Variants in RGL1 observed in about 807,000 individuals in gnomAD.
RGL1 encodes ral guanine nucleotide dissociation stimulator-like 1.
Under a neutral mutation model 95.2 loss-of-function variants are expected in RGL1, and 24 were observed. The observed-to-expected ratio is 0.25, with a 90% CI of 0.18 to 0.35. The LOEUF (loss-of-function observed/expected upper bound fraction) is 0.35, where lower values mean the gene tolerates loss of function less well. RGL1 is among the 10% of genes least tolerant of loss of function. The pLI is 1.00. For synonymous variants in RGL1, 329 were observed against 344.9 expected (o/e 0.95, Z 0.51); for missense variants, 715 against 936.3 (o/e 0.76, Z 3.08).
intron 1 of RGL1, among the ~76,000 whole-genome samples, chr1:183,643,582 C>T (rs1174689): frequency 0.29 from 43,995 of 151,804 alleles, 6,912 homozygotes; most frequent in Middle Eastern, 0.38. Context: ...TGAGCCACCG[C>T]GCCCGGCCCG....
chr1:183,654,985 G>C (rs1167892501), intron 1 of RGL1, among the ~76,000 whole-genome samples: 8 of 152,172 alleles, frequency 5.3e-5, no homozygotes. Flanking sequence ...CAGTGAAATT[G>C]ACATGTATTG....
chr1:183,794,817 T>G (rs554072854), intron 2 of RGL1, among the ~76,000 whole-genome samples: 1 of 152,288 alleles, frequency 6.6e-6, no homozygotes, highest in South Asian at 2.1e-4. Context: ...ACCTGGTCCT[T>G]TAAGAGCGAG....
chr1:183,715,945 C>A (rs776270696), intron 1 of RGL1, among the ~76,000 whole-genome samples: 5 of 152,116 alleles, frequency 3.3e-5, no homozygotes, highest in Non-Finnish European at 5.9e-5. Context: ...AGTGTAAGTT[C>A]TAGTCTGAGG....
rs1226941628 is a variant in RGL1, at chr1:183,646,228, AC to A, written c.-33+9728del. Reference sequence around the variant, plus strand: ...ATACTCACTATATACCCAGAATAAAACTATATTCCAGTAATTCCATTAAAAT... The same window carrying A: ...ATACTCACTATATACCCAGAATAAAATATATTCCAGTAATTCCATTAAAAT... On this transcript the variant is annotated intron_variant, in intron 1 of 18. Transcript: ENST00000304685. Among the ~76,000 whole-genome samples the A allele has an allele frequency of 5.3e-5, 8 of 152,312 alleles. No individual in the cohort carries two copies. In the East Asian group the frequency reaches 1.5e-3, roughly 29 times the overall value.
chr1:183,799,972 A>G (rs1054865635), intron 2 of RGL1, among the ~76,000 whole-genome samples: 1 of 152,240 alleles, frequency 6.6e-6, no homozygotes, highest in Non-Finnish European at 1.5e-5. Flanking sequence ...CAGATACTTT[A>G]CATAGTATAT....
At chr1:183,843,031 A>G (rs1007871196) in intron 2 of RGL1, among the ~76,000 whole-genome samples, 3 of 152,220 alleles carry the variant, frequency 2.0e-5, no homozygotes, top group African/African-American at 7.2e-5. Flanking sequence ...TTTGTTTCAT[A>G]AGAAATGTAC....
intron 1 of RGL1, among the ~76,000 whole-genome samples, chr1:183,737,440 A>G (rs1392263864): frequency 6.6e-6 from 1 of 152,136 alleles, no homozygotes; most frequent in African/African-American, 2.4e-5. Flanking sequence ...TATTATAAGC[A>G]TAGTGTTAGT....
chr1:183,642,248 A>C (rs1359982227), intron 1 of RGL1, among the ~76,000 whole-genome samples: 1 of 152,202 alleles, frequency 6.6e-6, no homozygotes, highest in African/African-American at 2.4e-5. Flanking sequence ...TGTGTCAGAC[A>C]CTTGGTAAAT....
At chr1:183,757,891 C>T (rs1658440984) in intron 2 of RGL1, among the ~76,000 whole-genome samples, 1 of 152,144 alleles carries the variant, frequency 6.6e-6, no homozygotes, top group Non-Finnish European at 1.5e-5. Flanking sequence ...AGCAAACTAC[C>T]AAAATTGTTA....
chr1:183,673,338 G>A (rs1201776314), intron 1 of RGL1, among the ~76,000 whole-genome samples: 5 of 152,284 alleles, frequency 3.3e-5, no homozygotes, highest in South Asian at 2.1e-4. Flanking sequence ...CATGTTTGGG[G>A]AACCTTTTTC....
At chr1:183,803,149 G>T (rs1004307420), upstream of RGL1, among the ~76,000 whole-genome samples, 1 of 152,072 alleles carries the variant, frequency 6.6e-6, no homozygotes, top group Non-Finnish European at 1.5e-5. Context: ...AGTTATTCTT[G>T]GAAAACCTCT....
chr1:183,789,289 CA>C lies in RGL1; in HGVS notation c.133-17076del, dbSNP rs893114261. On this transcript the variant is annotated intron_variant, in intron 2 of 18. Coordinates refer to the RGL1 transcript ENST00000304685. ...TGAAATCCTGTCTCTACTAAAAATA[CA>C]AAAAAAAAAGTTAGCTGGGCATGGT... Among the ~76,000 whole-genome samples, 41 of 146,964 alleles carry C rather than the reference CA, an allele frequency of 2.8e-4. No homozygotes were observed. In the South Asian group the frequency reaches 3.7e-3, roughly 13 times the overall value.
intron 1 of RGL1, among the ~76,000 whole-genome samples, chr1:183,721,637 A>G (rs907012917): frequency 3.3e-5 from 5 of 152,196 alleles, no homozygotes; most frequent in African/African-American, 1.2e-4. Context: ...CTATTATACA[A>G]ATGCGCACTC....
intron 4 of RGL1, among the ~76,000 whole-genome samples, chr1:183,872,805 T>C (rs560505187): frequency 6.6e-6 from 1 of 152,266 alleles, no homozygotes; most frequent in South Asian, 2.1e-4. Context: ...AAGAAGGCAA[T>C]TGAAATTAAT....
At chr1:183,831,142 A>T (rs1001564923) in intron 2 of RGL1, among the ~76,000 whole-genome samples, 1 of 152,188 alleles carries the variant, frequency 6.6e-6, no homozygotes, top group Non-Finnish European at 1.5e-5. Flanking sequence ...CTGGTGTGGC[A>T]GGGGAAGATG....
rs143744857 is a variant in RGL1 at position 183,739,305 on chromosome 1, G to T, written c.-32-2821G>T. Among the ~76,000 whole-genome samples, 458 of 152,376 alleles carry T rather than the reference G, an allele frequency of 3.0e-3. 4 individuals are homozygous for T. Among genetic ancestry groups the T allele is most frequent in the African/African-American group, 1.0e-2 (415 of 41,592 alleles). On this transcript the variant is annotated intron_variant, in intron 1 of 18. Coordinates refer to the RGL1 transcript ENST00000304685. ...CCAGTGAGCTGAGGCACAGACACTG[G>T]CTCTAGTCTATGGAGGAAGGAGCAT... is the stretch of plus-strand genomic sequence containing the variant.
chr1:183,723,932 T>G (rs1034643545), intron 1 of RGL1, among the ~76,000 whole-genome samples: 3 of 151,678 alleles, frequency 2.0e-5, no homozygotes, highest in Admixed American at 6.6e-5. Context: ...GAGGGAAGAG[T>G]AAAGAGGACT....
chr1:183,899,386 T>G (rs370020917), intron 10 of RGL1, among the ~76,000 whole-genome samples: 3 of 152,202 alleles, frequency 2.0e-5, no homozygotes, highest in Admixed American at 1.3e-4. Context: ...TTCTTGACTG[T>G]TTTTTATGAC....
At chr1:183,723,650 C>A (rs1656146258) in intron 1 of RGL1, among the ~76,000 whole-genome samples, 1 of 152,200 alleles carries the variant, frequency 6.6e-6, no homozygotes, top group Non-Finnish European at 1.5e-5. Context: ...TCCATCCTAG[C>A]AGTGGGAACT....
Sources: allele counts gnomAD v4.1 joint callset (sites outside exome capture counted in the v4.1 genomes callset), GRCh38; gene constraint gnomAD v4.1.1; transcripts MANE v1.5; gene names NCBI Gene and HGNC (gene_info 2026-07-23, HGNC 2026-07-21).